The following UGT2B10 variants were observed in gnomAD, a reference collection of about 807,000 sequenced individuals.
UGT2B10 encodes the protein UDP glucuronosyltransferase family 2 member B10.
In UGT2B10, 51 loss-of-function variants were observed where a neutral mutation model predicts 43.7. The observed-to-expected ratio is 1.17, with a 90% CI of 0.93 to 1.47. The LOEUF is 1.47. UGT2B10 is among the 40% of genes most tolerant of loss of function. The probability of loss-of-function intolerance (pLI) is 0.00; values close to 1 mark genes in which losing one functional copy is unlikely to be tolerated. For synonymous variants in UGT2B10, 225 were observed against 209.0 expected (o/e 1.08, Z -0.66); for missense variants, 696 against 617.7 (o/e 1.13, Z -1.34).
At chr4:68,830,269 C>A (rs562987541) in intron 5 of UGT2B10, among the ~76,000 whole-genome samples, 1 of 150,204 alleles carries the variant, frequency 6.7e-6, no homozygotes, top group Non-Finnish European at 1.5e-5. Flanking sequence ...TCTCATATAC[C>A]CCATAAACAT....
rs187002211 is a variant in UGT2B10, at chr4:68,831,019, A to G, written c.*140A>G. 4.7e-6 allele frequency: 6 copies of G among 1,273,278 alleles called. No homozygotes were observed. In the East Asian group the frequency reaches 1.3e-4, roughly 27 times the overall value. 78.9% of individuals were successfully genotyped at this position (1,273,278 alleles called of 1,614,324 possible). ...TCGAAGTCTACCTTGTCAAGTAAAA[A>G]TTTGTTTTTCAGAGATTTACCACCC... On this transcript the variant is annotated 3_prime_UTR_variant, in exon 6 of 6. Coordinates refer to ENST00000265403, the MANE Select transcript of UGT2B10 (RefSeq NM_001075.6).
At chr4:68,821,923 G>A (rs1474200310) in intron 2 of UGT2B10, among the ~76,000 whole-genome samples, 3 of 150,724 alleles carry the variant, frequency 2.0e-5, no homozygotes, top group East Asian at 2.0e-4. Flanking sequence ...CTTTTCCAAG[G>A]ACTTATAGTA....
chr4:68,828,343 T>A (rs1737907266), intron 5 of UGT2B10, among the ~76,000 whole-genome samples: 1 of 152,032 alleles, frequency 6.6e-6, no homozygotes, highest in African/African-American at 2.4e-5. Context: ...TAATATTTTT[T>A]AATATAGATA....
intron 3 of UGT2B10, among the ~76,000 whole-genome samples, chr4:68,825,444 A>C (rs1220072743): frequency 6.6e-6 from 1 of 151,914 alleles, no homozygotes; most frequent in Non-Finnish European, 1.5e-5. Flanking sequence ...CCCACGTATT[A>C]AGACTAATAT....
chr4:68,816,230 C>A lies in UGT2B10; in HGVS notation c.211C>A (p.Leu71Ile), dbSNP rs906354528. Reference protein sequence around the residue: ...ILFDPNDSSTLKLEVYPTSLT... With the variant: ...ILFDPNDSSTIKLEVYPTSLT... ...TTTTGATCCCAACGACTCATCCACT[C>A]TTAAACTTGAAGTTTATCCTACATC... Residue 71 changes from leucine (L) to isoleucine (I), a missense_variant, in exon 1 of 6, where the codon CTT (leucine) becomes ATT (isoleucine). Leu to Ile is a conservative substitution (Grantham distance 5). Coordinates refer to ENST00000265403, the MANE Select transcript of UGT2B10 (RefSeq NM_001075.6). 6.2e-7 allele frequency: 1 copy of A among 1,613,216 alleles called. No homozygotes were observed. The highest frequency in any genetic ancestry group is 1.7e-5 in the Admixed American group (1 of 59,912).
At chr4:68,826,765 C>G (rs1196453927) in intron 4 of UGT2B10, among the ~76,000 whole-genome samples, 1 of 152,082 alleles carries the variant, frequency 6.6e-6, no homozygotes, top group Non-Finnish European at 1.5e-5. Flanking sequence ...TCTTCCTGGG[C>G]TGTCCCTCTG....
In UGT2B10 at chr4:68,817,960, C is replaced by G. The variant is rs899624079; in HGVS notation, c.719-69C>G. The stretch of plus-strand genomic sequence containing the variant: ...ACATTTTTGCCTGCATTATTCTAAC[C>G]CCTTTCAGAAAATTACATAAAGTAA... On this transcript the variant is annotated intron_variant, in intron 1 of 5. Coordinates refer to ENST00000265403, the MANE Select transcript of UGT2B10 (RefSeq NM_001075.6). 3.2e-6 allele frequency: 5 copies of G among 1,551,578 alleles called. No homozygotes were observed. In the African/African-American group the frequency reaches 5.6e-5, roughly 17 times the overall value.
chr4:68,827,497 T>C lies in UGT2B10; in HGVS notation c.1256T>C (p.Met419Thr), dbSNP rs545266191. 4.0e-5 allele frequency: 65 copies of C among 1,613,468 alleles called. No individual in the cohort carries two copies. The East Asian group carries it at 8.3e-4, about 20-fold the overall frequency. ...GCTGTTAGAGTGGACTTCAACACAA[T>C]GTCGAGTACAGACCTGCTGAATGCA... Reference protein sequence around the residue: ...GAAVRVDFNTMSSTDLLNALK... With the variant: ...GAAVRVDFNTTSSTDLLNALK... The change falls in exon 5 of 6, where the codon ATG becomes ACG. Residue 419 changes from methionine to threonine, a missense_variant. By Grantham distance (81) the Met-to-Thr change is moderately conservative. Transcript: ENST00000265403.
In UGT2B10 at chr4:68,827,357, T is replaced by A. The variant is rs1237849302; in HGVS notation, c.1116T>A (p.Thr372=). Residue 372 remains threonine, a synonymous_variant, in exon 5 of 6, where the codon ACT becomes ACA. Coordinates refer to ENST00000265403, the MANE Select transcript of UGT2B10 (RefSeq NM_001075.6). ...ATCCAAAAACCAGAGCTTTTATAAC[T>A]CATGGTGGAGCCAATGGCATCTATG... is the stretch of plus-strand genomic sequence containing the variant. ...LGHPKTRAFI[T]HGGANGIYEA... The A allele has an allele frequency of 6.2e-7, 1 of 1,613,324 alleles. No homozygotes were observed.
chr4:68,826,112 C>CATAT (rs1348605076), intron 3 of UGT2B10, among the ~76,000 whole-genome samples: 2 of 151,690 alleles, frequency 1.3e-5, no homozygotes, highest in African/African-American at 2.4e-5. Context: ...TTTTTTTCTT[C>CATAT]GATGGTTAGC....
At chr4:68,819,561 C>A (rs574545036) in intron 2 of UGT2B10, among the ~76,000 whole-genome samples, 1 of 152,004 alleles carries the variant, frequency 6.6e-6, no homozygotes, top group East Asian at 1.9e-4. Flanking sequence ...GCATTGAGAT[C>A]CCAGAATTTT....
In UGT2B10 at chr4:68,823,273, C is replaced by G. The variant is rs1303388184; in HGVS notation, c.999+871C>G. Among the ~76,000 whole-genome samples the G allele has an allele frequency of 3.3e-5, 5 of 151,938 alleles. No homozygotes were observed. In the East Asian group the frequency reaches 9.7e-4, roughly 29 times the overall value. On this transcript the variant is annotated intron_variant, in intron 3 of 5. Coordinates refer to ENST00000265403, the MANE Select transcript of UGT2B10 (RefSeq NM_001075.6). ...CTGTAATCCCAGCACTTTGGGAGGC[C>G]AAGGCGGGCAGATCACGAGGTCAGG...
At chr4:68,828,042 G>A (rs1737889513) in intron 5 of UGT2B10, among the ~76,000 whole-genome samples, 1 of 151,828 alleles carries the variant, frequency 6.6e-6, no homozygotes. Flanking sequence ...TTTTTACTAT[G>A]TTTACAGAGT....
chr4:68,830,104 C>T (rs566827545), intron 5 of UGT2B10, among the ~76,000 whole-genome samples: 1 of 152,044 alleles, frequency 6.6e-6, no homozygotes, highest in African/African-American at 2.4e-5. Context: ...TTTCTTGCAG[C>T]ACTTAAAATG....
At position 68,816,391 on chromosome 4, in the gene UGT2B10, C is replaced by G; in HGVS notation, c.372C>G (p.Asn124Lys). Residue 124 changes from asparagine to lysine, a missense_variant, in exon 1 of 6, where the codon AAC (asparagine) becomes AAG (lysine). Asn to Lys is a moderately conservative substitution (Grantham distance 94). Transcript: ENST00000265403. ...ILWAINDIIR[N>K]FCKDVVSNKK... ...GGGCAATTAATGACATAATTAGAAA[C>G]TTCTGTAAAGATGTAGTTTCAAATA... 6.2e-7 allele frequency: 1 copy of G among 1,612,704 alleles called. No individual in the cohort carries two copies. The highest frequency in any genetic ancestry group is 8.5e-7 in the Non-Finnish European group (1 of 1,179,302).
At chr4:68,821,239 T>G (rs542108318) in intron 2 of UGT2B10, among the ~76,000 whole-genome samples, 1 of 152,272 alleles carries the variant, frequency 6.6e-6, no homozygotes, top group African/African-American at 2.4e-5. Flanking sequence ...GTATTTAAAT[T>G]TATATATTGG....
At chr4:68,821,792 C>T (rs752596272) in intron 2 of UGT2B10, among the ~76,000 whole-genome samples, 3 of 152,088 alleles carry the variant, frequency 2.0e-5, no homozygotes, top group Non-Finnish European at 2.9e-5. Context: ...CCTCAGTACT[C>T]ATAGTTAGGG....
intron 3 of UGT2B10, among the ~76,000 whole-genome samples, chr4:68,826,132 T>C (rs994691570): frequency 6.6e-6 from 1 of 152,138 alleles, no homozygotes; most frequent in African/African-American, 2.4e-5. Flanking sequence ...CCGCAGGTAG[T>C]TCTTCTTTTA....
chr4:68,824,429 A>C (rs189795195), intron 3 of UGT2B10, among the ~76,000 whole-genome samples: 58 of 152,298 alleles, frequency 3.8e-4, no homozygotes, highest in African/African-American at 1.4e-3. Flanking sequence ...TGGACGCAGC[A>C]GAAGGAAATA....
Sources: gnomAD v4.1 joint callset for allele counts (sites outside exome capture counted in the v4.1 genomes callset) on GRCh38, gnomAD v4.1.1 for gene constraint, MANE v1.5 for transcripts, NCBI Gene and HGNC (gene_info 2026-07-23, HGNC 2026-07-21) for gene names.